The following DNM3 variants were observed in gnomAD, a reference collection of about 807,000 sequenced individuals.
DNM3 encodes dynamin-3.
Under a neutral mutation model 101.6 loss-of-function variants are expected in DNM3, and 47 were observed. The observed-to-expected ratio is 0.46, with a 90% confidence interval of 0.37 to 0.59. DNM3 has a LOEUF of 0.59. DNM3 is among the 20% of genes least tolerant of loss of function. The pLI is 0.00. For synonymous variants in DNM3, 385 were observed against 387.9 expected, an observed-to-expected ratio of 0.99 and a Z score of 0.09; for missense variants, 849 against 1,085.7, an observed-to-expected ratio of 0.78 and a Z score of 3.06.
At chr1:171,884,372 G>T (rs1358542701) in intron 1 of DNM3, among the ~76,000 whole-genome samples, 1 of 152,152 alleles carries the variant, frequency 6.6e-6, no homozygotes, top group Non-Finnish European at 1.5e-5. Flanking sequence ...GACCCATTAG[G>T]ATTAATCACC....
At chr1:172,227,560 G>A (rs2061180768) in intron 14 of DNM3, among the ~76,000 whole-genome samples, 1 of 151,898 alleles carries the variant, frequency 6.6e-6, no homozygotes, top group African/African-American at 2.4e-5. Flanking sequence ...GTGTATAAGT[G>A]TTTCCTTTTT....
At chr1:171,889,581 C>T (rs1172093986) in intron 1 of DNM3, among the ~76,000 whole-genome samples, 1 of 152,132 alleles carries the variant, frequency 6.6e-6, no homozygotes, top group Non-Finnish European at 1.5e-5. Context: ...TCACTCTTGA[C>T]AGAAAGAATT....
intron 14 of DNM3, among the ~76,000 whole-genome samples, chr1:172,159,979 G>A (rs2058485991): frequency 6.6e-6 from 1 of 151,396 alleles, no homozygotes; most frequent in South Asian, 2.1e-4. Context: ...ACTGAATACT[G>A]TAGGCAGTTG....
At chr1:171,883,405 ACACACACACCC>A (rs1558209783) in intron 1 of DNM3, among the ~76,000 whole-genome samples, 1 of 88,930 alleles carries the variant, frequency 1.1e-5, no homozygotes, top group East Asian at 3.0e-4. Flanking sequence ...ACACACACAC[ACACACACACCC>A]TGTCAGAATG....
chr1:172,305,741 T>G (rs1199222280), intron 15 of DNM3, among the ~76,000 whole-genome samples: 4 of 152,148 alleles, frequency 2.6e-5, no homozygotes, highest in African/African-American at 4.8e-5. Context: ...CACAAATCAA[T>G]AAACATAATT....
At chr1:172,026,699 GGCTGGAGT>G (rs1271044828) in intron 4 of DNM3, among the ~76,000 whole-genome samples, 2 of 151,318 alleles carry the variant, frequency 1.3e-5, no homozygotes, top group African/African-American at 4.9e-5. Flanking sequence ...TTGTTACCCA[GGCTGGAGT>G]GCAGTGGTGC....
intron 16 of DNM3, among the ~76,000 whole-genome samples, chr1:172,313,584 C>T (rs2065172260): frequency 6.6e-6 from 1 of 152,156 alleles, no homozygotes; most frequent in Non-Finnish European, 1.5e-5. Context: ...CAGTTGGATC[C>T]TGAGCCTGCC....
At chr1:172,375,982 A>T (rs2068580387) in intron 17 of DNM3, 2 of 152,180 alleles carry the variant, frequency 1.3e-5, no homozygotes, top group African/African-American at 4.8e-5. Context: ...ACAGGGCAAG[A>T]CTCTGTCTCT....
intron 11 of DNM3, among the ~76,000 whole-genome samples, chr1:172,080,937 C>T (rs1181511355): frequency 6.6e-6 from 1 of 152,180 alleles, no homozygotes; most frequent in Non-Finnish European, 1.5e-5. Flanking sequence ...TGCTTCAGCT[C>T]ACCCTCCATG....
At chr1:172,089,012 C>A (rs369637279) in intron 12 of DNM3, among the ~76,000 whole-genome samples, 42 of 152,346 alleles carry the variant, frequency 2.8e-4, no homozygotes, top group Middle Eastern at 3.4e-3. Flanking sequence ...AGTGTTCTGG[C>A]AAAGCCTTCC....
At chr1:172,061,716 G>A (rs1216945550) in intron 10 of DNM3, among the ~76,000 whole-genome samples, 3 of 109,590 alleles carry the variant, frequency 2.7e-5, no homozygotes, top group Admixed American at 1.1e-4. Context: ...GGGGAGGGGG[G>A]AGGGATAGCA....
chr1:171,944,850 GTTTCCTTTT>G (rs2042057589), intron 2 of DNM3, among the ~76,000 whole-genome samples: 1 of 43,828 alleles, frequency 2.3e-5, no homozygotes, highest in African/African-American at 9.5e-5. Flanking sequence ...TTTTTTTGGT[GTTTCCTTTT>G]TTTTTTTTTT....
intron 17 of DNM3, among the ~76,000 whole-genome samples, chr1:172,328,310 G>T (rs1433958849): frequency 1.3e-5 from 2 of 152,012 alleles, no homozygotes; most frequent in East Asian, 3.9e-4. Context: ...TCTCCTTTCT[G>T]CATGCTTCAT....
intron 2 of DNM3, among the ~76,000 whole-genome samples, chr1:171,984,438 C>A (rs546047589): frequency 1.1e-4 from 17 of 152,296 alleles, no homozygotes; most frequent in Non-Finnish European, 2.1e-4. Flanking sequence ...GTGGACCTGG[C>A]TGTCCCTCAA....
intron 1 of DNM3, among the ~76,000 whole-genome samples, chr1:171,867,702 G>T (rs1292375007): frequency 6.6e-6 from 1 of 152,064 alleles, no homozygotes. Flanking sequence ...TTTTTAATGG[G>T]TTCCAAACTC....
chr1:172,260,499 G>T (rs947683093), intron 15 of DNM3, among the ~76,000 whole-genome samples: 1 of 151,806 alleles, frequency 6.6e-6, no homozygotes, highest in African/African-American at 2.4e-5. Flanking sequence ...TGTCTTGAAG[G>T]TTTTAATCTT....
At chr1:172,026,057 T>C (rs954736888) in intron 4 of DNM3, among the ~76,000 whole-genome samples, 2 of 151,954 alleles carry the variant, frequency 1.3e-5, no homozygotes, top group African/African-American at 4.8e-5. Context: ...CCAAGAACCT[T>C]GAAAAAATTT....
intron 4 of DNM3, among the ~76,000 whole-genome samples, chr1:172,016,361 A>G (rs1196309093): frequency 2.0e-5 from 3 of 151,268 alleles, no homozygotes; most frequent in African/African-American, 7.2e-5. Context: ...AAGTTTTTCT[A>G]CATTTATTAA....
chr1:172,053,891 G>A (rs1467643110), intron 10 of DNM3, among the ~76,000 whole-genome samples: 6 of 135,480 alleles, frequency 4.4e-5, no homozygotes, highest in Non-Finnish European at 9.4e-5. Context: ...GAGTCTGCTG[G>A]GACTTTATTA....
Sources: gnomAD v4.1 joint callset for allele counts (sites outside exome capture counted in the v4.1 genomes callset) on GRCh38, gnomAD v4.1.1 for gene constraint, MANE v1.5 for transcripts, NCBI Gene and HGNC (gene_info 2026-07-23, HGNC 2026-07-21) for gene names.